EPHA3: variants seen among roughly 807,000 people sequenced by gnomAD.
EPHA3 encodes ephrin type-A receptor 3.
EPHA3 carries 42 observed loss-of-function variants against 107.1 expected under a neutral mutation model. That is an observed-to-expected ratio of 0.39 (90% CI 0.31 to 0.51). The LOEUF is 0.51. Ranked by LOEUF, EPHA3 falls within the 20% of genes least tolerant of loss-of-function variation. EPHA3 has a pLI of 0.78. For synonymous variants in EPHA3, 461 were observed against 424.8 expected (o/e 1.09, Z -1.05); for missense variants, 1,183 against 1,211.2 (o/e 0.98, Z 0.35).
At chr3:89,243,158 T>C (rs1282428952) in intron 3 of EPHA3, among the ~76,000 whole-genome samples, 1 of 152,148 alleles carries the variant, frequency 6.6e-6, no homozygotes, top group Non-Finnish European at 1.5e-5. Context: ...CTATCATTGA[T>C]GGACATTTGG....
chr3:89,181,230 T>C (rs914666604), intron 2 of EPHA3, among the ~76,000 whole-genome samples: 1 of 152,042 alleles, frequency 6.6e-6, no homozygotes, highest in African/African-American at 2.4e-5. Context: ...TGCCTTGTTT[T>C]CAAAATTGTA....
Position 89,353,867 on chromosome 3 carries a change from T to C in EPHA3, c.1306+11777T>C, listed in dbSNP as rs571697279. 1.1e-4 allele frequency among the ~76,000 whole-genome samples: 16 copies of C among 151,464 alleles called. 1 individual carries two copies. In the Admixed American group the frequency reaches 1.1e-3, roughly 10 times the overall value. On this transcript the variant is annotated intron_variant, in intron 5 of 16. Coordinates refer to ENST00000336596, the MANE Select transcript of EPHA3 (RefSeq NM_005233.6). ...GAGCTTCATGAATCTAAACTGAATT[T>C]TCATTCCGTCTTCATTTCTGGTTTT...
At chr3:89,352,926 A>G (rs1707863801) in intron 5 of EPHA3, among the ~76,000 whole-genome samples, 1 of 148,492 alleles carries the variant, frequency 6.7e-6, no homozygotes, top group Admixed American at 6.7e-5. Context: ...AAAAAAAAGG[A>G]AAAAGAAAGA....
intron 3 of EPHA3, among the ~76,000 whole-genome samples, chr3:89,251,933 T>C (rs921899861): frequency 3.9e-5 from 6 of 152,186 alleles, no homozygotes; most frequent in Non-Finnish European, 7.4e-5. Flanking sequence ...TGTTAATTGC[T>C]GTATTTTGTT....
At chr3:89,119,891 T>C (rs1041163427) in intron 1 of EPHA3, among the ~76,000 whole-genome samples, 3 of 152,162 alleles carry the variant, frequency 2.0e-5, no homozygotes, top group African/African-American at 7.2e-5. Context: ...TCCAACGGAC[T>C]TCTAGGAACT....
At chr3:89,263,401 C>A (rs1194520269) in intron 3 of EPHA3, among the ~76,000 whole-genome samples, 1 of 152,132 alleles carries the variant, frequency 6.6e-6, no homozygotes, top group Non-Finnish European at 1.5e-5. Flanking sequence ...GCTTTTGTAT[C>A]CACACTTGTG....
At position 89,379,862 on chromosome 3, in the gene EPHA3, A is replaced by G. The variant is rs75893701; in HGVS notation, c.1307-15975A>G. On this transcript the variant is annotated intron_variant, in intron 5 of 16. Coordinates refer to ENST00000336596, the MANE Select transcript of EPHA3 (RefSeq NM_005233.6). Reference sequence around the variant, plus strand: ...GGATAGCTCTGAGCTAATTTCCAAAATCTGATTTCCAAATGTTTGAATTGA... The same window carrying G: ...GGATAGCTCTGAGCTAATTTCCAAAGTCTGATTTCCAAATGTTTGAATTGA... Among the ~76,000 whole-genome samples the G allele has an allele frequency of 7.2e-4, 109 of 152,258 alleles. No homozygotes were observed. The East Asian group carries it at 0.014, about 19-fold the overall frequency.
chr3:89,418,726 A>C (rs1386469995), intron 10 of EPHA3, among the ~76,000 whole-genome samples: 1 of 151,460 alleles, frequency 6.6e-6, no homozygotes, highest in Non-Finnish European at 1.5e-5. Flanking sequence ...ATAAATTGAT[A>C]GCAGATGCTT....
intron 1 of EPHA3, among the ~76,000 whole-genome samples, chr3:89,123,847 T>G (rs1704026743): frequency 6.6e-6 from 1 of 152,192 alleles, no homozygotes; most frequent in South Asian, 2.1e-4. Context: ...TAAAATATTC[T>G]AAAATTAACA....
chr3:89,139,036 C>T (rs1268675325), intron 2 of EPHA3, among the ~76,000 whole-genome samples: 3 of 151,710 alleles, frequency 2.0e-5, no homozygotes, highest in East Asian at 3.9e-4. Flanking sequence ...TATTATATTT[C>T]CCTTCTGTAT....
intron 9 of EPHA3, among the ~76,000 whole-genome samples, chr3:89,410,728 T>G (rs1424395148): frequency 6.6e-6 from 1 of 151,968 alleles, no homozygotes; most frequent in Non-Finnish European, 1.5e-5. Context: ...AGATTTTATT[T>G]CCTAACATAT....
At chr3:89,338,687 C>A (rs766878239) in intron 3 of EPHA3, among the ~76,000 whole-genome samples, 7 of 152,086 alleles carry the variant, frequency 4.6e-5, no homozygotes, top group Non-Finnish European at 7.4e-5. Flanking sequence ...TAGCTGGGAC[C>A]ACAGGCGCCC....
chr3:89,266,021 A>G (rs1705531052), intron 3 of EPHA3, among the ~76,000 whole-genome samples: 1 of 152,188 alleles, frequency 6.6e-6, no homozygotes, highest in South Asian at 2.1e-4. Context: ...GGACACTACC[A>G]GAAGATATAT....
At chr3:89,441,930 GC>G (rs1172882111) in intron 13 of EPHA3, among the ~76,000 whole-genome samples, 1 of 152,030 alleles carries the variant, frequency 6.6e-6, no homozygotes, top group Non-Finnish European at 1.5e-5. Context: ...ACCAAATTGG[GC>G]CCTCAAGGAC....
chr3:89,186,345 G>C (rs1278645975), intron 2 of EPHA3, among the ~76,000 whole-genome samples: 1 of 151,458 alleles, frequency 6.6e-6, no homozygotes, highest in Non-Finnish European at 1.5e-5. Flanking sequence ...GATACAATCT[G>C]TAACTATCAA....
chr3:89,371,713 GATACAC>G (rs1708306806), intron 5 of EPHA3, among the ~76,000 whole-genome samples: 1 of 150,570 alleles, frequency 6.6e-6, no homozygotes, highest in South Asian at 2.1e-4. Flanking sequence ...AAGGCACAGT[GATACAC>G]ATACACACAC....
chr3:89,309,184 G>A (rs1454845153), intron 3 of EPHA3, among the ~76,000 whole-genome samples: 4 of 152,112 alleles, frequency 2.6e-5, no homozygotes, highest in Admixed American at 6.6e-5. Flanking sequence ...TGGTTTCATT[G>A]AATTGGTAGG....
At chr3:89,345,618 T>TC (rs1707629348) in intron 5 of EPHA3, among the ~76,000 whole-genome samples, 2 of 149,128 alleles carry the variant, frequency 1.3e-5, no homozygotes, top group Non-Finnish European at 3.0e-5. Context: ...TTTTTTTTTT[T>TC]CTTTTTTTTT....
chr3:89,356,316 C>A lies in EPHA3; in HGVS notation c.1306+14226C>A, dbSNP rs534908225. On this transcript the variant is annotated intron_variant, in intron 5 of 16. Coordinates refer to ENST00000336596, the MANE Select transcript of EPHA3 (RefSeq NM_005233.6). ...CATAGGTGTGCATGTGTCTTTATAG[C>A]AGCATGATTTATAGTCCTTTGGGTA... Among the ~76,000 whole-genome samples the A allele has an allele frequency of 9.9e-4, 149 of 150,864 alleles. 12 individuals are homozygous for A. Among genetic ancestry groups the A allele is most frequent in the Middle Eastern group, 6.8e-3 (2 of 294 alleles).
Sources: allele counts gnomAD v4.1 joint callset (sites outside exome capture counted in the v4.1 genomes callset), GRCh38; gene constraint gnomAD v4.1.1; transcripts MANE v1.5; gene names NCBI Gene and HGNC (gene_info 2026-07-23, HGNC 2026-07-21).